Variants in PTPRN2 observed in about 807,000 individuals in gnomAD.
The protein encoded by PTPRN2 is protein tyrosine phosphatase receptor type N2.
Under a neutral mutation model 118.8 loss-of-function variants are expected in PTPRN2, and 74 were observed. The observed-to-expected ratio is 0.62, with a 90% CI of 0.52 to 0.76. The LOEUF (loss-of-function observed/expected upper bound fraction) is 0.76, where lower values mean the gene tolerates loss of function less well. Ranked by LOEUF, PTPRN2 falls within the 30% of genes least tolerant of loss-of-function variation. The pLI is 0.00. For missense variants in PTPRN2, 1,481 were observed against 1,394.4 expected (o/e 1.06, Z -0.99); for synonymous variants, 641 against 608.0 (o/e 1.05, Z -0.80).
intron 11 of PTPRN2, among the ~76,000 whole-genome samples, chr7:158,064,919 T>C (rs548131241): frequency 6.6e-6 from 1 of 152,288 alleles, no homozygotes; most frequent in African/African-American, 2.4e-5. Context: ...GGATGATGGA[T>C]GCTTCACCTG....
chr7:157,781,459 C>T (rs76435190), intron 12 of PTPRN2, among the ~76,000 whole-genome samples: 4,786 of 152,250 alleles, frequency 0.031, 239 homozygotes, highest in African/African-American at 0.11. Context: ...AGGCCAGACT[C>T]GACCACTGCA....
At chr7:157,553,321 G>C (rs963206653) in intron 21 of PTPRN2, among the ~76,000 whole-genome samples, 1 of 152,174 alleles carries the variant, frequency 6.6e-6, no homozygotes, top group Non-Finnish European at 1.5e-5. Flanking sequence ...GGAATCCTGG[G>C]AGACTGTCCC....
intron 11 of PTPRN2, among the ~76,000 whole-genome samples, chr7:158,052,961 G>A (rs929543139): frequency 6.6e-6 from 1 of 152,168 alleles, no homozygotes; most frequent in Admixed American, 6.5e-5. Flanking sequence ...CACCTCGGGG[G>A]CTCCTGCTGG....
At chr7:157,884,270 T>C (rs1206316369) in intron 12 of PTPRN2, among the ~76,000 whole-genome samples, 2 of 152,210 alleles carry the variant, frequency 1.3e-5, no homozygotes, top group African/African-American at 4.8e-5. Context: ...TCCTAATAAA[T>C]GTATGCCTTT....
At chr7:158,430,990 C>CT (rs766219365) in intron 2 of PTPRN2, among the ~76,000 whole-genome samples, 15 of 152,170 alleles carry the variant, frequency 9.9e-5, no homozygotes, top group Middle Eastern at 3.2e-3. Flanking sequence ...CCAGTCAGCC[C>CT]TTGAGGGAGC....
At chr7:158,018,598 C>A (rs1257280090) in intron 11 of PTPRN2, among the ~76,000 whole-genome samples, 1 of 152,226 alleles carries the variant, frequency 6.6e-6, no homozygotes, top group Non-Finnish European at 1.5e-5. Flanking sequence ...GTGGCTGCCT[C>A]GGTGTACTGT....
In PTPRN2 at chr7:157,787,494, G is replaced by T. The variant is rs967587715; in HGVS notation, c.1789-104557C>A. On this transcript the variant is annotated intron_variant, in intron 12 of 22. Transcript: ENST00000389418. The surrounding 1 kb of genome is among the most constrained non-coding windows in gnomAD (Gnocchi z 5.3). ...CCCCAGTGGGCAGGGCGGGCAGGGG[G>T]CTTCCCCACAGTCTAGGGGGCCAGG... Among the ~76,000 whole-genome samples, 5 of 152,118 alleles carry T rather than the reference G, an allele frequency of 3.3e-5. No homozygotes were observed. The highest frequency in any genetic ancestry group is 1.2e-4 in the African/African-American group (5 of 41,446).
chr7:158,508,372 C>G (rs1362658313), intron 1 of PTPRN2, among the ~76,000 whole-genome samples: 1 of 152,188 alleles, frequency 6.6e-6, no homozygotes, highest in Non-Finnish European at 1.5e-5. Flanking sequence ...TATGTGGCAC[C>G]TGTCCAAGCT....
chr7:158,280,617 C>G lies in PTPRN2; in HGVS notation c.277+36202G>C, dbSNP rs970917553. The stretch of plus-strand genomic sequence containing the variant: ...AGAACCAGGAGATGAAAGGAGGAGC[C>G]GAGAGAGCCTGGGGGAGCCGGACGG... On this transcript the variant is annotated intron_variant, in intron 3 of 22. Transcript: ENST00000389418. Among the ~76,000 whole-genome samples the G allele has an allele frequency of 4.6e-5, 7 of 152,206 alleles. No homozygotes were observed. In the East Asian group the frequency reaches 1.2e-3, roughly 25 times the overall value.
chr7:157,741,027 G>A (rs1279109937), intron 12 of PTPRN2, among the ~76,000 whole-genome samples: 1 of 152,176 alleles, frequency 6.6e-6, no homozygotes, highest in East Asian at 1.9e-4. Context: ...CATTTCAGAT[G>A]CTACTGAAAC....
intron 2 of PTPRN2, among the ~76,000 whole-genome samples, chr7:158,394,545 T>G (rs1293756051): frequency 1.3e-5 from 2 of 152,182 alleles, no homozygotes; most frequent in Non-Finnish European, 2.9e-5. Flanking sequence ...CAGCCCTGGT[T>G]CCCTGAGCAC....
intron 12 of PTPRN2, among the ~76,000 whole-genome samples, chr7:157,746,172 TG>T (rs1246244672): frequency 7.7e-6 from 1 of 130,368 alleles, no homozygotes; most frequent in African/African-American, 3.2e-5. Context: ...ACCCTGAGCA[TG>T]AAGATCACGG....
chr7:157,735,428 T>C (rs183843031), intron 12 of PTPRN2, among the ~76,000 whole-genome samples: 359 of 152,270 alleles, frequency 2.4e-3, no homozygotes, highest in Admixed American at 3.6e-3. Flanking sequence ...ACTTTGCTGG[T>C]GACCTGCATC....
At position 157,874,897 on chromosome 7, in the gene PTPRN2, G is replaced by T. The variant is rs1437277163; in HGVS notation, c.1788+23776C>A. 6.6e-6 allele frequency among the ~76,000 whole-genome samples: 1 copy of T among 151,026 alleles called. No homozygotes were observed. The highest frequency in any genetic ancestry group is 6.6e-5 in the Admixed American group (1 of 15,160). On this transcript the variant is annotated intron_variant, in intron 12 of 22. Transcript: ENST00000389418. This position sits in a 1 kb window ranked among gnomAD's most constrained non-coding sequence, Gnocchi z 5.8. ...CATACACACACGGAGACACACTCGT[G>T]CACATACACACACACTCATGCACAT...
chr7:158,134,226 T>G (rs1410341972), intron 8 of PTPRN2, among the ~76,000 whole-genome samples, 167 bp from the exon 9 acceptor site: 2 of 152,192 alleles, frequency 1.3e-5, no homozygotes, highest in African/African-American at 4.8e-5. Flanking sequence ...TAGAATGATG[T>G]CTAGCCGAGC....
chr7:158,203,599 C>CG (rs36100811), intron 4 of PTPRN2, among the ~76,000 whole-genome samples: 1 of 151,882 alleles, frequency 6.6e-6, no homozygotes, highest in Non-Finnish European at 1.5e-5. Flanking sequence ...GTTCTGCACC[C>CG]CCCCAGAGTG....
chr7:157,714,700 G>A (rs145301550), intron 12 of PTPRN2, among the ~76,000 whole-genome samples: 12 of 152,342 alleles, frequency 7.9e-5, no homozygotes, highest in Admixed American at 5.2e-4. Flanking sequence ...TGCCCAGTCC[G>A]ACGTGCTTCT....
chr7:158,532,913 C>G (rs1825362409), intron 1 of PTPRN2: 1 of 461,010 alleles, frequency 2.2e-6, no homozygotes, highest in African/African-American at 2.0e-5. Context: ...TCCACCACAC[C>G]TGCTCCCTCC....
rs13235575 is a variant in PTPRN2 at position 157,916,787 on chromosome 7, G to A, written c.1724-18050C>T. Among the ~76,000 whole-genome samples, 678 of 115,648 alleles carry A rather than the reference G, an allele frequency of 5.9e-3. 4 individuals are homozygous for A. The highest frequency in any genetic ancestry group is 0.023 in the African/African-American group (627 of 27,196). The allele number at this position is 115,648 out of a possible 152,430, so 75.9% of individuals were successfully genotyped here. ...CCACTCCGGGACACGTCCAACACAC[G>A]TCCCCCTCCCCAGCTGAAGGTCCCC... is the stretch of plus-strand genomic sequence containing the variant. On this transcript the variant is annotated intron_variant, in intron 11 of 22. Coordinates refer to ENST00000389418, the MANE Select transcript of PTPRN2 (RefSeq NM_002847.5).
Sources: allele counts gnomAD v4.1 joint callset (sites outside exome capture counted in the v4.1 genomes callset), GRCh38; gene constraint gnomAD v4.1.1; non-coding constraint Gnocchi (gnomAD v3.1); transcripts MANE v1.5; gene names NCBI Gene and HGNC (gene_info 2026-07-23, HGNC 2026-07-21).